The following EPB41L1 variants were observed in gnomAD, a reference collection of about 807,000 sequenced individuals.
The protein encoded by EPB41L1 is erythrocyte membrane protein band 4.1 like 1, also known as band 4.1-like protein 1.
A neutral mutation model predicts 97.8 loss-of-function variants in EPB41L1; 29 were observed. That is an observed-to-expected ratio of 0.30 (90% CI 0.22 to 0.40). The LOEUF is 0.40. Ranked by LOEUF, EPB41L1 falls within the 10% of genes least tolerant of loss-of-function variation. The probability of loss-of-function intolerance (pLI) is 1.00; values close to 1 mark genes in which losing one functional copy is unlikely to be tolerated. For synonymous variants in EPB41L1, 383 were observed against 459.2 expected (o/e 0.83, Z 2.12); for missense variants, 812 against 1,162.3 (o/e 0.70, Z 4.38).
Position 36,229,278 on chromosome 20 carries a change from T to C in EPB41L1, c.2638-54T>C, listed in dbSNP as rs1484936901. The stretch of plus-strand genomic sequence containing the variant: ...TTACTAATTTTTCTTGTCCTCTTCC[T>C]TCCTTTCCCCCCACTCCCCACCCCC... On this transcript the variant is annotated intron_variant, in intron 21 of 21. Transcript: ENST00000338074. 20 of 1,475,138 alleles carry C rather than the reference T, an allele frequency of 1.4e-5. 1 individual carries two copies. Among genetic ancestry groups the C allele is most frequent in the Admixed American group, 1.7e-5 (1 of 57,636 alleles). 91.4% of individuals were successfully genotyped at this position (1,475,138 alleles called of 1,614,324 possible). A position where few individuals can be genotyped will look rare whatever the true frequency, so the allele number is the denominator to read the frequency against.
intron 1 of EPB41L1, among the ~76,000 whole-genome samples, chr20:36,165,714 A>G (rs1210301778): frequency 6.6e-6 from 1 of 152,150 alleles, no homozygotes; most frequent in Non-Finnish European, 1.5e-5. Context: ...AGAAGAAAGA[A>G]AGAGGAAGTG....
chr20:36,096,112 CTA>C (rs775364611), intron 1 of EPB41L1, among the ~76,000 whole-genome samples: 2 of 151,980 alleles, frequency 1.3e-5, no homozygotes, highest in Non-Finnish European at 2.9e-5. Context: ...GCCCAGCAAT[CTA>C]TGTTTTAACA....
At position 36,190,884 on chromosome 20, in the gene EPB41L1, G is replaced by A; in HGVS notation, c.1300+87G>A. 1 of 1,546,254 alleles carries A rather than the reference G, an allele frequency of 6.5e-7. No homozygotes were observed. Among genetic ancestry groups the A allele is most frequent in the South Asian group, 1.2e-5 (1 of 86,590 alleles). On this transcript the variant is annotated intron_variant, in intron 11 of 21. Coordinates refer to ENST00000338074, the MANE Select transcript of EPB41L1 (RefSeq NM_012156.2). This position sits in a 1 kb window ranked among gnomAD's most constrained non-coding sequence, Gnocchi z 5.8. Reference sequence around the variant, plus strand: ...CATGCTGGGTTCTGCAGAATGAGCAGGAAAATGGTAGATGCATCCCAAGTT... The same window carrying A: ...CATGCTGGGTTCTGCAGAATGAGCAAGAAAATGGTAGATGCATCCCAAGTT...
chr20:36,157,418 C>T (rs927406270), intron 1 of EPB41L1, among the ~76,000 whole-genome samples: 25 of 152,350 alleles, frequency 1.6e-4, no homozygotes, highest in African/African-American at 6.0e-4. Flanking sequence ...GAAACTGAGG[C>T]TCAGAGAGGT....
At chr20:36,192,988 T>C (rs1004142996) in intron 11 of EPB41L1, among the ~76,000 whole-genome samples, 3 of 152,188 alleles carry the variant, frequency 2.0e-5, no homozygotes, top group African/African-American at 4.8e-5. Context: ...TTGAAAGATG[T>C]GTAGTTCTGC....
At chr20:36,142,268 T>C (rs1471855966) in intron 2 of EPB41L1, among the ~76,000 whole-genome samples, 2 of 152,240 alleles carry the variant, frequency 1.3e-5, no homozygotes, top group Admixed American at 6.5e-5. Context: ...TTTGTGTGGC[T>C]GCGTAGTATT....
Position 36,093,626 on chromosome 20 carries a change from G to C in EPB41L1, c.-65+2014G>C, listed in dbSNP as rs934462412. Among the ~76,000 whole-genome samples, 1 of 150,854 alleles carries C rather than the reference G, an allele frequency of 6.6e-6. No individual in the cohort carries two copies. The highest frequency in any genetic ancestry group is 1.5e-5 in the Non-Finnish European group (1 of 67,724). ...GAACTGGGCTGACAGCAGAGCCCGC[G>C]TTCTGACCTGAGCTGGAGAGGAGGG... On this transcript the variant is annotated intron_variant, in intron 1 of 19. Transcript: ENST00000202028. The surrounding 1 kb of genome is among the most constrained non-coding windows in gnomAD (Gnocchi z 5.4).
intron 2 of EPB41L1, among the ~76,000 whole-genome samples, chr20:36,129,608 AC>A (rs1289608583): frequency 6.6e-6 from 1 of 151,160 alleles, no homozygotes; most frequent in Non-Finnish European, 1.5e-5. Flanking sequence ...GGGACAGCAC[AC>A]CCCACTTTCT....
chr20:36,106,863 G>A (rs529781099), intron 1 of EPB41L1, among the ~76,000 whole-genome samples: 1 of 152,208 alleles, frequency 6.6e-6, no homozygotes, highest in Non-Finnish European at 1.5e-5. Flanking sequence ...AGGCTGGAGT[G>A]CAGTGGCACA....
chr20:36,179,867 G>T (rs540270251), intron 5 of EPB41L1, among the ~76,000 whole-genome samples: 3 of 152,222 alleles, frequency 2.0e-5, no homozygotes. Context: ...TGCACTCCTC[G>T]GGGGGCTGAC....
intron 2 of EPB41L1, 82 bp from the exon 3 acceptor site, chr20:36,175,469 G>A (rs2061187783): frequency 4.5e-6 from 7 of 1,539,636 alleles, no homozygotes; most frequent in Non-Finnish European, 6.3e-6. Context: ...GGCCCCAGAT[G>A]CCTCTATATT....
chr20:36,211,367 C>G (rs994431427), intron 15 of EPB41L1, among the ~76,000 whole-genome samples: 15 of 151,500 alleles, frequency 9.9e-5, no homozygotes, highest in Admixed American at 3.3e-4. Context: ...GGCAACGGAA[C>G]GAGATTCCAT....
chr20:36,139,693 C>T (rs1198475739), intron 2 of EPB41L1, among the ~76,000 whole-genome samples: 1 of 151,584 alleles, frequency 6.6e-6, no homozygotes, highest in African/African-American at 2.4e-5. Context: ...CCCATCTGTG[C>T]AGTAAAGGGA....
chr20:36,215,607 C>G (rs1449226284), intron 17 of EPB41L1, among the ~76,000 whole-genome samples: 1 of 152,226 alleles, frequency 6.6e-6, no homozygotes, highest in Admixed American at 6.5e-5. Flanking sequence ...AGTTCCTCCT[C>G]TCCCCTCAGT....
At chr20:36,180,520 A>C (rs2061433463) in intron 5 of EPB41L1, among the ~76,000 whole-genome samples, 1 of 152,210 alleles carries the variant, frequency 6.6e-6, no homozygotes, top group African/African-American at 2.4e-5. Context: ...GTAGGTGCTC[A>C]GTAGCTGTTT....
chr20:36,141,652 TA>T (rs2059643842), intron 2 of EPB41L1, among the ~76,000 whole-genome samples: 1 of 152,268 alleles, frequency 6.6e-6, no homozygotes, highest in Non-Finnish European at 1.5e-5. Flanking sequence ...ACCTTTCTTA[TA>T]TAAATATGTT....
At chr20:36,183,628 A>G (rs1368965876) in intron 6 of EPB41L1, among the ~76,000 whole-genome samples, 1 of 152,260 alleles carries the variant, frequency 6.6e-6, no homozygotes, top group Non-Finnish European at 1.5e-5. Context: ...AGATGGCCCC[A>G]GGAGATGGGT....
chr20:36,122,747 G>C (rs1044531146), intron 2 of EPB41L1: 29 of 152,370 alleles, frequency 1.9e-4, no homozygotes, highest in African/African-American at 7.0e-4. Context: ...CTGCTTACTC[G>C]GTATGTGGCC....
At chr20:36,198,666 G>T (rs190656073) in intron 14 of EPB41L1, among the ~76,000 whole-genome samples, 103 of 152,334 alleles carry the variant, frequency 6.8e-4, no homozygotes, top group African/African-American at 2.3e-3. Context: ...AAGAGATAAA[G>T]TTAGGATTTG....
Sources: gnomAD v4.1 joint callset for allele counts (sites outside exome capture counted in the v4.1 genomes callset) on GRCh38, gnomAD v4.1.1 for gene constraint, Gnocchi (gnomAD v3.1) non-coding constraint, MANE v1.5 for transcripts, NCBI Gene and HGNC (gene_info 2026-07-23, HGNC 2026-07-21) for gene names.